RXFP2: variants seen among roughly 807,000 people sequenced by gnomAD.
RXFP2 encodes the protein relaxin receptor 2.
A neutral mutation model predicts 88.6 loss-of-function variants in RXFP2; 68 were observed. That is an observed-to-expected ratio of 0.77 (90% CI 0.63 to 0.94). RXFP2 has a LOEUF of 0.94. Ranked by LOEUF, RXFP2 falls within the 40% of genes least tolerant of loss-of-function variation. RXFP2 has a pLI of 0.00. For synonymous variants in RXFP2, 329 were observed against 306.8 expected, an observed-to-expected ratio of 1.07 and a Z score of -0.76; for missense variants, 791 against 893.9, an observed-to-expected ratio of 0.88 and a Z score of 1.47.
At chr13:31,793,344 T>C (rs1873884166) in intron 16 of RXFP2, among the ~76,000 whole-genome samples, 1 of 152,164 alleles carries the variant, frequency 6.6e-6, no homozygotes, top group South Asian at 2.1e-4. Flanking sequence ...TAAGATCCTT[T>C]GATTTCATGT....
chr13:31,794,171 T>C (rs775948037), intron 16 of RXFP2, among the ~76,000 whole-genome samples: 1 of 152,156 alleles, frequency 6.6e-6, no homozygotes, highest in Non-Finnish European at 1.5e-5. Flanking sequence ...CTTCCTCCTC[T>C]GAAAAACAGA....
At chr13:31,746,601 G>A (rs1383263475) in intron 1 of RXFP2, among the ~76,000 whole-genome samples, 1 of 152,092 alleles carries the variant, frequency 6.6e-6, no homozygotes, top group African/African-American at 2.4e-5. Flanking sequence ...CTTCTGATTT[G>A]GGGCCAGATT....
chr13:31,751,182 C>T (rs1287646017), intron 1 of RXFP2, among the ~76,000 whole-genome samples: 5 of 152,038 alleles, frequency 3.3e-5, no homozygotes, highest in Admixed American at 3.3e-4. Flanking sequence ...ATTCCGGCTA[C>T]TTGGGAGGCT....
intron 17 of RXFP2, among the ~76,000 whole-genome samples, chr13:31,799,313 G>C (rs1874216158): frequency 6.6e-6 from 1 of 152,104 alleles, no homozygotes; most frequent in African/African-American, 2.4e-5. Flanking sequence ...CCTGGTTCAA[G>C]CGATTCTCAT....
chr13:31,774,222 T>C lies in RXFP2; in HGVS notation c.498-398T>C, dbSNP rs116821659. ...TTCATGGGAATAGAATAAGGATAAA[T>C]GAGGAGTTAAAGGTGCATCTCTGTG... On this transcript the variant is annotated intron_variant, in intron 5 of 17. Transcript: ENST00000298386. Among the ~76,000 whole-genome samples the C allele has an allele frequency of 4.6e-3, 697 of 152,264 alleles. 4 individuals are homozygous for C. The highest frequency in any genetic ancestry group is 0.016 in the African/African-American group (680 of 41,542).
chr13:31,776,130 C>CTTTCTTT (rs1555284087), intron 7 of RXFP2, among the ~76,000 whole-genome samples: 19 of 141,148 alleles, frequency 1.3e-4, no homozygotes, highest in South Asian at 4.5e-4. Context: ...TTCTTTCTTT[C>CTTTCTTT]TTTCTTTCTT....
At chr13:31,766,323 G>A (rs566807626) in intron 5 of RXFP2, among the ~76,000 whole-genome samples, 1 of 151,954 alleles carries the variant, frequency 6.6e-6, no homozygotes, top group African/African-American at 2.4e-5. Flanking sequence ...TTGGGAAAAT[G>A]ACATTGCAGA....
intron 8 of RXFP2, among the ~76,000 whole-genome samples, chr13:31,778,242 A>T (rs756550871): frequency 2.6e-5 from 4 of 152,200 alleles, no homozygotes; most frequent in Non-Finnish European, 5.9e-5. Flanking sequence ...TACCCAATAT[A>T]TACTTTTGTT....
chr13:31,770,803 G>T (rs1461396412), intron 5 of RXFP2, among the ~76,000 whole-genome samples: 1 of 152,110 alleles, frequency 6.6e-6, no homozygotes, highest in East Asian at 1.9e-4. Context: ...CCCTCCTCAT[G>T]GGCTGGACAG....
chr13:31,758,934 G>T (rs1202756471), intron 2 of RXFP2, among the ~76,000 whole-genome samples: 1 of 152,166 alleles, frequency 6.6e-6, no homozygotes, highest in South Asian at 2.1e-4. Context: ...TGTAATCCCA[G>T]CTACTCGGGA....
chr13:31,802,462 T>A lies in RXFP2; in HGVS notation c.*57T>A, dbSNP rs1477531570. On this transcript the variant is annotated 3_prime_UTR_variant, in exon 18 of 18. Coordinates refer to ENST00000298386, the MANE Select transcript of RXFP2 (RefSeq NM_130806.5). Reference sequence around the variant, plus strand: ...ACTACCTAAAACAGGGGACAGCTTTTGGAAGATGACATCTGCAATGCTTTT... The same window carrying A: ...ACTACCTAAAACAGGGGACAGCTTTAGGAAGATGACATCTGCAATGCTTTT... 2.6e-6 allele frequency: 4 copies of A among 1,567,638 alleles called. No individual in the cohort carries two copies. The highest frequency in any genetic ancestry group is 3.5e-6 in the Non-Finnish European group (4 of 1,142,712).
chr13:31,776,828 A>ATATAGTT, intron 7 of RXFP2, among the ~76,000 whole-genome samples: 1 of 152,316 alleles, frequency 6.6e-6, no homozygotes, highest in South Asian at 2.1e-4. Context: ...CTTCTATAAA[A>ATATAGTT]TATAGTTTAA....
intron 1 of RXFP2, among the ~76,000 whole-genome samples, chr13:31,754,071 C>T (rs535632725): frequency 1.3e-5 from 2 of 152,340 alleles, no homozygotes; most frequent in East Asian, 3.9e-4. Flanking sequence ...CAGTCTCTTC[C>T]TCCCCTTCTT....
At chr13:31,758,041 G>A (rs1872047603) in intron 1 of RXFP2, among the ~76,000 whole-genome samples, 1 of 152,132 alleles carries the variant, frequency 6.6e-6, no homozygotes, top group South Asian at 2.1e-4. Flanking sequence ...ACAGTGAGCT[G>A]AGATCGTGCA....
intron 1 of RXFP2, among the ~76,000 whole-genome samples, chr13:31,756,409 C>T (rs17076583): frequency 0.18 from 27,832 of 152,050 alleles, 2,500 homozygotes; most frequent in East Asian, 0.24. Flanking sequence ...GATGATGTTC[C>T]TACTGAAGTT....
chr13:31,797,152 A>T, intron 16 of RXFP2, 49 bp from the exon 17 acceptor site: 1 of 1,283,644 alleles, frequency 7.8e-7, no homozygotes, highest in Non-Finnish European at 1.1e-6. Context: ...CAGTAATTTT[A>T]CTGTTGACTT....
At chr13:31,779,502 A>T (rs1322576) in intron 9 of RXFP2, among the ~76,000 whole-genome samples, 22,040 of 152,096 alleles carry the variant, frequency 0.14, 1,582 homozygotes, top group Middle Eastern at 0.19. Flanking sequence ...CTTTGTTAGG[A>T]TGGATGTACT....
chr13:31,780,381 TTC>T (rs1873209854), intron 9 of RXFP2, among the ~76,000 whole-genome samples: 1 of 142,208 alleles, frequency 7.0e-6, no homozygotes. Context: ...AGTGTCCTTC[TTC>T]GGAGAACATG....
chr13:31,741,875 G>A (rs1341103169), intron 1 of RXFP2, among the ~76,000 whole-genome samples: 1 of 152,070 alleles, frequency 6.6e-6, no homozygotes, highest in Non-Finnish European at 1.5e-5. Flanking sequence ...TTAAAAGCAT[G>A]AAGTATTGAG....
Sources: allele counts gnomAD v4.1 joint callset (sites outside exome capture counted in the v4.1 genomes callset), GRCh38; gene constraint gnomAD v4.1.1; transcripts MANE v1.5; gene names NCBI Gene and HGNC (gene_info 2026-07-23, HGNC 2026-07-21).